The following DLL1 variants were observed in gnomAD, a reference collection of about 807,000 sequenced individuals.
DLL1 encodes delta-like protein 1.
DLL1 carries 9 observed loss-of-function variants against 75.1 expected under a neutral mutation model. The ratio of observed to expected loss-of-function variants is 0.12; its 90% CI spans 0.07 to 0.21. The LOEUF is 0.21. Among genes scored for constraint, DLL1 ranks in the 10% least tolerant of loss-of-function variants. The pLI is 1.00. For missense variants in DLL1, 837 were observed against 1,007.6 expected, an observed-to-expected ratio of 0.83 and a Z score of 2.29; for synonymous variants, 477 against 418.3, an observed-to-expected ratio of 1.14 and a Z score of -1.71.
At chr6:170,287,409 GGTAC>G (rs1296905638) in intron 4 of DLL1, among the ~76,000 whole-genome samples, 1 of 152,186 alleles carries the variant, frequency 6.6e-6, no homozygotes, top group African/African-American at 2.4e-5. Flanking sequence ...AGAGAAATCC[GGTAC>G]CAATGGGCTG....
chr6:170,283,871 G>A lies in DLL1; in HGVS notation c.1408C>T (p.Pro470Ser), dbSNP rs1397575429. Residue 470 changes from proline to serine, a missense_variant, in exon 9 of 11, where the codon CCG becomes TCG. Pro to Ser is a moderately conservative substitution (Grantham distance 74, BLOSUM62 -1). Transcript: ENST00000366756. ...DGVNDFSCTC[P>S]PGYTGRNCSA... ...CAGTTCCTGCCCGTGTAGCCAGGCGGGCAGGTGCAGGAGAAGTCGTTCACG... is the reference window on the plus strand; with the variant it reads ...CAGTTCCTGCCCGTGTAGCCAGGCGAGCAGGTGCAGGAGAAGTCGTTCACG... 6.2e-7 allele frequency: 1 copy of A among 1,606,254 alleles called. No homozygotes were observed. Among genetic ancestry groups the A allele is most frequent in the Non-Finnish European group, 8.5e-7 (1 of 1,179,072 alleles).
In DLL1 at chr6:170,286,222, C is replaced by T; in HGVS notation, c.731+16G>A. ...GAAAAGGCAACAAAACAAAACACCA[C>T]CTTGTGCAGACTTACTTGCATTCCC... On this transcript the variant is annotated intron_variant, in intron 5 of 10. Coordinates refer to ENST00000366756, the MANE Select transcript of DLL1 (RefSeq NM_005618.4). 3 of 1,614,208 alleles carry T rather than the reference C, an allele frequency of 1.9e-6. No individual in the cohort carries two copies. The highest frequency in any genetic ancestry group is 2.2e-5 in the East Asian group (1 of 44,878).
Position 170,285,655 on chromosome 6 carries a change from C to T in DLL1, c.776G>A (p.Arg259His), listed in dbSNP as rs149768426. ...WQGRYCDECI[R>H]YPGCLHGTCQ... The stretch of plus-strand genomic sequence containing the variant: ...GGTGCCATGGAGACAGCCTGGATAG[C>T]GGATACACTCGTCACAGTACCGGCC... Residue 259 changes from arginine (R) to histidine (H), a missense_variant, in exon 6 of 11, where the codon CGC becomes CAC. By Grantham distance (29) the Arg-to-His change is conservative. Around this residue, in one of 2 missense-constraint regions of DLL1, gnomAD observed 304 missense variants for 461.9 expected, o/e 0.66. Coordinates refer to ENST00000366756, the MANE Select transcript of DLL1 (RefSeq NM_005618.4). The T allele has an allele frequency of 1.2e-5, 19 of 1,613,950 alleles. No homozygotes were observed. Among genetic ancestry groups the T allele is most frequent in the Admixed American group, 5.0e-5 (3 of 60,008 alleles).
Position 170,289,887 on chromosome 6 carries a change from C to T in DLL1, c.55-79G>A, listed in dbSNP as rs1783812564. The T allele has an allele frequency of 1.8e-5, 27 of 1,462,416 alleles. No individual in the cohort carries two copies. In the South Asian group the frequency reaches 3.2e-4, roughly 17 times the overall value. 90.6% of individuals were successfully genotyped at this position (1,462,416 alleles called of 1,614,324 possible). A position where few individuals can be genotyped will look rare whatever the true frequency, so the allele number is the denominator to read the frequency against. On this transcript the variant is annotated intron_variant, in intron 1 of 10. Coordinates refer to ENST00000366756, the MANE Select transcript of DLL1 (RefSeq NM_005618.4). ...GCGTGAGGCCTGGGTGGGGGGTGTG[C>T]GGAGAGCCTGGAAGGGCTCAGGGGC...
In DLL1 at chr6:170,288,243, T is replaced by G; in HGVS notation, c.666A>C (p.Thr222=). The G allele has an allele frequency of 6.2e-7, 1 of 1,613,892 alleles. No individual in the cohort carries two copies. Among genetic ancestry groups the G allele is most frequent in the Non-Finnish European group, 8.5e-7 (1 of 1,180,044 alleles). Residue 222 remains threonine, a synonymous_variant, in exon 4 of 11, where the codon ACA becomes ACC. Coordinates refer to ENST00000366756, the MANE Select transcript of DLL1 (RefSeq NM_005618.4). The part of the protein sequence containing the change: ...CNPGWKGPYC[T]EPICLPGCDE... ...GGTGCCTTCCCAGAGACTCACGCTC[T>G]GTGCAGTAGGGCCCTTTCCAGCCAG...
At chr6:170,284,374 CCA>C (rs1783648171) in intron 8 of DLL1, among the ~76,000 whole-genome samples, 1 of 152,074 alleles carries the variant, frequency 6.6e-6, no homozygotes, top group Non-Finnish European at 1.5e-5. Flanking sequence ...GTGTCCTTGC[CCA>C]CAGTTACACA....
Position 170,283,325 on chromosome 6 carries a change from T to C in DLL1, c.1954A>G (p.Thr652Ala). The change falls in exon 9 of 11, where the codon ACC becomes GCC. Residue 652 changes from threonine (T) to alanine (A), a missense_variant. This residue lies in a region of DLL1 where 533 missense variants were observed against 545.7 expected (regional missense o/e 0.98). Coordinates refer to ENST00000366756, the MANE Select transcript of DLL1 (RefSeq NM_005618.4). ...TTGCTGTGCGCGTCCCTGACGGCGG[T>C]GTCGTCACCCTTGAGGTCCTGCACG... ...NLVQDLKGDD[T>A]AVRDAHSKRD... 11 of 1,613,142 alleles carry C rather than the reference T, an allele frequency of 6.8e-6. No individual in the cohort carries two copies. The highest frequency in any genetic ancestry group is 9.3e-6 in the Non-Finnish European group (11 of 1,180,032).
chr6:170,284,364 G>T (rs1027073414), intron 8 of DLL1, among the ~76,000 whole-genome samples: 2 of 152,024 alleles, frequency 1.3e-5, no homozygotes, highest in Non-Finnish European at 2.9e-5. Context: ...CTTAACGAGG[G>T]TGTCCTTGCC....
chr6:170,283,956 G>C lies in DLL1; in HGVS notation c.1323C>G (p.Asp441Glu). The C allele has an allele frequency of 6.3e-7, 1 of 1,590,642 alleles. No individual in the cohort carries two copies. The highest frequency in any genetic ancestry group is 8.5e-7 in the Non-Finnish European group (1 of 1,172,372). The change falls in exon 9 of 11, where the codon GAC (aspartate) becomes GAG (glutamate). Residue 441 changes from aspartate (D) to glutamate (E), a missense_variant. This residue lies in a region of DLL1 where 533 missense variants were observed against 545.7 expected (regional missense o/e 0.98). Coordinates refer to ENST00000366756, the MANE Select transcript of DLL1 (RefSeq NM_005618.4). ...CQAGFSGRHC[D>E]DNVDDCASSP... ...AGGAGGCGCAGTCGTCCACGTTGTC[G>C]TCACAGTGCCTCCCCGAGAAGCCGG... is the stretch of plus-strand genomic sequence containing the variant.
chr6:170,283,701 G>T lies in DLL1; in HGVS notation c.1578C>A (p.Gly526=), dbSNP rs1270688352. 2 of 1,556,922 alleles carry T rather than the reference G, an allele frequency of 1.3e-6. No individual in the cohort carries two copies. Among genetic ancestry groups the T allele is most frequent in the South Asian group, 2.4e-5 (2 of 84,134 alleles). The change falls in exon 9 of 11, where the codon GGC becomes GGA. Residue 526 remains glycine (G), a synonymous_variant. Transcript: ENST00000366756. ...TCTCAGTGAGGTCCACCACCGCTGG[G>T]CCCGGGGGCAGCTCGGGGAGCAGGA... ...CQFLLPELPP[G]PAVVDLTEKL...
intron 1 of DLL1, 81 bp from the exon 2 acceptor site, chr6:170,289,889 G>A: frequency 6.8e-7 from 1 of 1,460,060 alleles, no homozygotes; most frequent in Non-Finnish European, 9.2e-7. Context: ...GGGGTGTGCG[G>A]AGAGCCTGGA....
chr6:170,290,066 G>GC lies in DLL1; in HGVS notation c.54+19dup. 1 of 1,573,002 alleles carries GC rather than the reference G, an allele frequency of 6.4e-7. No individual in the cohort carries two copies. Among genetic ancestry groups the GC allele is most frequent in the Non-Finnish European group, 8.6e-7 (1 of 1,168,872 alleles). On this transcript the variant is annotated intron_variant, in intron 1 of 10. Coordinates refer to ENST00000366756, the MANE Select transcript of DLL1 (RefSeq NM_005618.4). The surrounding 1 kb of genome is among the most constrained non-coding windows in gnomAD (Gnocchi z 4.7). ...CCGTGAGACCCCGCGGGGCCGCGGC[G>GC]CCCCCACCTGCCCGCCTACCTGACA...
chr6:170,289,774 T>C lies in DLL1; in HGVS notation c.89A>G (p.Gln30Arg). Residue 30 changes from glutamine to arginine, a missense_variant, in exon 2 of 11, where the codon CAG becomes CGG. Gln to Arg is a conservative substitution (Grantham distance 43). This residue lies in a region of DLL1 where 304 missense variants were observed against 461.9 expected (regional missense o/e 0.66). Coordinates refer to ENST00000366756, the MANE Select transcript of DLL1 (RefSeq NM_005618.4). ...CAGCCCCTTCTTGTTGACGAACTCC[T>C]GCAGCTTCAGTTCGAACACCCCAGA... Reference protein sequence around the residue: ...WSSGVFELKLQEFVNKKGLLG... With the variant: ...WSSGVFELKLREFVNKKGLLG... 6.4e-7 allele frequency: 1 copy of C among 1,556,814 alleles called. No homozygotes were observed. The highest frequency in any genetic ancestry group is 8.7e-7 in the Non-Finnish European group (1 of 1,150,062).
At chr6:170,284,850 T>G (rs1783658941) in intron 8 of DLL1, 69 bp downstream of exon 8, 6 of 1,499,780 alleles carry the variant, frequency 4.0e-6, no homozygotes, top group Non-Finnish European at 5.6e-6. Flanking sequence ...CACAAATGCT[T>G]GTTTTTAATG....
rs554778541 is a variant in DLL1 at position 170,285,075 on chromosome 6, A to T, written c.1093T>A (p.Leu365Met). ...PPGFYGKICE[L>M]SAMTCADGPC... is the part of the protein sequence containing the mutation. ...CCGTCCGCACAGGTCATGGCACTCA[A>T]TTCACAGATTTTGCCGTAGAAGCCG... is the stretch of plus-strand genomic sequence containing the variant. The change falls in exon 8 of 11, where the codon TTG becomes ATG. Residue 365 changes from leucine (L) to methionine (M), a missense_variant. Around this residue, in one of 2 missense-constraint regions of DLL1, gnomAD observed 533 missense variants for 545.7 expected, o/e 0.98. Coordinates refer to ENST00000366756, the MANE Select transcript of DLL1 (RefSeq NM_005618.4). The T allele has an allele frequency of 1.5e-4, 240 of 1,614,114 alleles. 1 individual carries two copies. The South Asian group carries it at 2.5e-3, about 17-fold the overall frequency.
In DLL1 at chr6:170,286,273, C is replaced by T; in HGVS notation, c.696G>A (p.Glu232=). ...CTGGTTTGTCACAAAATCCATGCTG[C>T]TCATCACATCCAGGCAGGCAGATCG... ...TEPICLPGCD[E]QHGFCDKPGE... The change falls in exon 5 of 11, where the codon GAG becomes GAA. Residue 232 remains glutamate (E), a synonymous_variant. Coordinates refer to ENST00000366756, the MANE Select transcript of DLL1 (RefSeq NM_005618.4). 1 of 1,614,224 alleles carries T rather than the reference C, an allele frequency of 6.2e-7. No homozygotes were observed. The highest frequency in any genetic ancestry group is 1.1e-5 in the South Asian group (1 of 91,090).
chr6:170,283,968 C>T lies in DLL1; in HGVS notation c.1311G>A (p.Gly437=), dbSNP rs775917742. 3 of 1,587,174 alleles carry T rather than the reference C, an allele frequency of 1.9e-6. No homozygotes were observed. Among genetic ancestry groups the T allele is most frequent in the Admixed American group, 1.7e-5 (1 of 57,478 alleles). Residue 437 remains glycine (G), a synonymous_variant, in exon 9 of 11, where the codon GGG becomes GGA. Coordinates refer to ENST00000366756, the MANE Select transcript of DLL1 (RefSeq NM_005618.4). The part of the protein sequence containing the change: ...YLCRCQAGFS[G]RHCDDNVDDC... ...CGTCCACGTTGTCGTCACAGTGCCT[C>T]CCCGAGAAGCCGGCCTGGCAGCGGC...
rs1322735957 is a variant in DLL1, at chr6:170,290,610, G to C, written c.-471C>G. 1 of 251,948 alleles carries C rather than the reference G, an allele frequency of 4.0e-6. No individual in the cohort carries two copies. The highest frequency in any genetic ancestry group is 2.3e-5 in the African/African-American group (1 of 43,270). 15.6% of individuals were successfully genotyped at this position (251,948 alleles called of 1,614,324 possible). On this transcript the variant is annotated 5_prime_UTR_variant, in exon 1 of 11. Coordinates refer to ENST00000366756, the MANE Select transcript of DLL1 (RefSeq NM_005618.4). This position sits in a 1 kb window ranked among gnomAD's most constrained non-coding sequence, Gnocchi z 4.7. ...AAAGCCGCGGTCTGGAAATCCCACG[G>C]GCAAGGCGATAATCCGGGGCCAGCG...
Position 170,282,596 on chromosome 6 carries a change from G to A in DLL1, c.*278C>T, listed in dbSNP as rs1420861101. On this transcript the variant is annotated 3_prime_UTR_variant, in exon 11 of 11. Coordinates refer to ENST00000366756, the MANE Select transcript of DLL1 (RefSeq NM_005618.4). ...CTCAGGCAGTGCATGCTTCTTATGC[G>A]TAATTCAGTTCACCCATTTAAATAT... 6 of 592,964 alleles carry A rather than the reference G, an allele frequency of 1.0e-5. No homozygotes were observed. The highest frequency in any genetic ancestry group is 1.9e-5 in the African/African-American group (1 of 53,812). The allele number at this position is 592,964 out of a possible 1,614,324, so 36.7% of individuals were successfully genotyped here. A position where few individuals can be genotyped will look rare whatever the true frequency, so the allele number is the denominator to read the frequency against.
Sources: allele counts gnomAD v4.1 joint callset (sites outside exome capture counted in the v4.1 genomes callset), GRCh38; gene constraint gnomAD v4.1.1; regional missense constraint gnomAD v4.1.1; non-coding constraint Gnocchi (gnomAD v3.1); transcripts MANE v1.5; gene names NCBI Gene and HGNC (gene_info 2026-07-23, HGNC 2026-07-21).